Variants in MAD1L1 observed in about 807,000 individuals in gnomAD.
MAD1L1 encodes mitotic arrest deficient 1 like 1, also known as mitotic spindle assembly checkpoint protein MAD1.
A neutral mutation model predicts 96.9 loss-of-function variants in MAD1L1; 95 were observed. The ratio of observed to expected loss-of-function variants is 0.98; its 90% CI spans 0.83 to 1.16. The LOEUF is 1.16. MAD1L1 is among the 50% of genes most tolerant of loss of function. MAD1L1 has a pLI of 0.00. For synonymous variants in MAD1L1, 473 were observed against 396.6 expected (o/e 1.19, Z -2.29); for missense variants, 1,007 against 954.4 (o/e 1.06, Z -0.73).
chr7:2,185,360 T>C (rs886368423), intron 10 of MAD1L1, among the ~76,000 whole-genome samples: 1 of 152,214 alleles, frequency 6.6e-6, no homozygotes, highest in South Asian at 2.1e-4. Flanking sequence ...TAGGAATTGA[T>C]TGAAGGGACG....
chr7:2,002,829 G>A (rs971024546), intron 13 of MAD1L1, among the ~76,000 whole-genome samples: 1 of 152,224 alleles, frequency 6.6e-6, no homozygotes, highest in Non-Finnish European at 1.5e-5. Flanking sequence ...CCCATGACCT[G>A]CACGGTGCAT....
chr7:1,834,476 G>T (rs1175652494), intron 18 of MAD1L1, among the ~76,000 whole-genome samples: 1 of 152,194 alleles, frequency 6.6e-6, no homozygotes, highest in Non-Finnish European at 1.5e-5. Flanking sequence ...ATGTTAAAAG[G>T]ATAGTAAGAG....
At chr7:1,985,976 T>C (rs1360383942) in intron 14 of MAD1L1, among the ~76,000 whole-genome samples, 1 of 152,246 alleles carries the variant, frequency 6.6e-6, no homozygotes, top group African/African-American at 2.4e-5. Context: ...TCCACCGTTT[T>C]TCTGTGAAAC....
At chr7:1,988,894 GC>G (rs1469969262) in intron 14 of MAD1L1, among the ~76,000 whole-genome samples, 7 of 152,198 alleles carry the variant, frequency 4.6e-5, no homozygotes, top group Non-Finnish European at 7.4e-5. Context: ...GCCCCTCCAT[GC>G]CCCTTCCCAA....
Position 2,149,068 on chromosome 7 carries a change from G to C in MAD1L1, c.1073+84C>G. 3 of 1,228,112 alleles carry C rather than the reference G, an allele frequency of 2.4e-6. No individual in the cohort carries two copies. In the East Asian group the frequency reaches 7.1e-5, roughly 29 times the overall value. The allele number at this position is 1,228,112 out of a possible 1,614,324, so 76.1% of individuals were successfully genotyped here. A position where few individuals can be genotyped will look rare whatever the true frequency, so the allele number is the denominator to read the frequency against. On this transcript the variant is annotated intron_variant, in intron 11 of 18. Transcript: ENST00000265854. ...ATGATGAAGGACAGCCATCCCCCAA[G>C]AGCCAGGGGGCACACACTCTCACTC... is the stretch of plus-strand genomic sequence containing the variant.
At chr7:2,002,614 G>A (rs1452820478) in intron 13 of MAD1L1, among the ~76,000 whole-genome samples, 3 of 152,146 alleles carry the variant, frequency 2.0e-5, no homozygotes, top group Non-Finnish European at 2.9e-5. Flanking sequence ...CCCCAAGCAG[G>A]ACCCCGACCC....
intron 14 of MAD1L1, among the ~76,000 whole-genome samples, chr7:1,987,424 G>A (rs943784634): frequency 3.3e-5 from 5 of 152,344 alleles, no homozygotes; most frequent in African/African-American, 1.2e-4. Flanking sequence ...GGAACGGGGA[G>A]GTACTGGGGC....
At chr7:2,147,002 C>T (rs1343276248) in intron 11 of MAD1L1, among the ~76,000 whole-genome samples, 1 of 152,170 alleles carries the variant, frequency 6.6e-6, no homozygotes, top group African/African-American at 2.4e-5. Context: ...CTTCCTGGGC[C>T]TTGGAAGTGC....
chr7:2,141,144 T>A (rs996437772), intron 11 of MAD1L1, among the ~76,000 whole-genome samples: 109 of 152,332 alleles, frequency 7.2e-4, no homozygotes, highest in African/African-American at 2.5e-3. Context: ...GTGCTCGCCT[T>A]GCGGGCTCTG....
chr7:2,034,758 A>G (rs933791456), intron 12 of MAD1L1, among the ~76,000 whole-genome samples: 1 of 152,188 alleles, frequency 6.6e-6, no homozygotes, highest in Non-Finnish European at 1.5e-5. Context: ...ATGAATGAAC[A>G]GGGGAGGAAA....
Position 1,840,391 on chromosome 7 carries a change from G to A in MAD1L1, c.1999-24163C>T, listed in dbSNP as rs377057002. Among the ~76,000 whole-genome samples the A allele has an allele frequency of 1.2e-4, 19 of 152,250 alleles. No individual in the cohort carries two copies. The South Asian group carries it at 1.7e-3, about 13-fold the overall frequency. On this transcript the variant is annotated intron_variant, in intron 18 of 18. Transcript: ENST00000265854. ...GACGCCTCTGCACAGTCTTTGAATC[G>A]GGCTGTACAAGTATCTGTCCTAGCA...
chr7:1,886,990 G>T (rs550041328), intron 18 of MAD1L1, among the ~76,000 whole-genome samples: 1 of 152,276 alleles, frequency 6.6e-6, no homozygotes, highest in African/African-American at 2.4e-5. Flanking sequence ...GTCAGTGACC[G>T]CATGGCAGCG....
At chr7:2,106,322 T>A (rs1181703881) in intron 11 of MAD1L1, among the ~76,000 whole-genome samples, 1 of 150,780 alleles carries the variant, frequency 6.6e-6, no homozygotes, top group East Asian at 2.0e-4. Flanking sequence ...TCACTCACAC[T>A]CCCCACTTCC....
At chr7:2,227,948 T>C (rs1793989635) in intron 3 of MAD1L1, among the ~76,000 whole-genome samples, 1 of 152,018 alleles carries the variant, frequency 6.6e-6, no homozygotes, top group South Asian at 2.1e-4. Flanking sequence ...ACACGATGTG[T>C]GAGAAACCAG....
intron 14 of MAD1L1, among the ~76,000 whole-genome samples, chr7:1,981,124 G>A (rs57371854): frequency 0.015 from 2,232 of 152,242 alleles, 43 homozygotes; most frequent in African/African-American, 0.051. Context: ...GTGCTGCCAC[G>A]CCTGGTTAAT....
At chr7:1,847,554 C>G in intron 18 of MAD1L1, 3 of 471,128 alleles carry the variant, frequency 6.4e-6, no homozygotes, top group South Asian at 4.6e-5. Context: ...CTGGCACTGT[C>G]CAGCAGCTGC....
chr7:2,179,515 C>T (rs1791094160), intron 10 of MAD1L1, among the ~76,000 whole-genome samples: 1 of 146,584 alleles, frequency 6.8e-6, no homozygotes, highest in African/African-American at 2.5e-5. Context: ...GCGACAACAG[C>T]GAGACTCTGT....
chr7:1,820,216 TAAAAAA>T (rs1782052155), intron 18 of MAD1L1, among the ~76,000 whole-genome samples: 1 of 151,622 alleles, frequency 6.6e-6, no homozygotes. Context: ...TCGAAGGAAA[TAAAAAA>T]GAGAACAGAA....
chr7:1,959,111 G>A (rs1779848202), intron 15 of MAD1L1, among the ~76,000 whole-genome samples: 4 of 152,096 alleles, frequency 2.6e-5, no homozygotes, highest in Admixed American at 2.6e-4. Flanking sequence ...AATTAGCCGG[G>A]CGTCGTGGTA....
Sources: gnomAD v4.1 joint callset for allele counts (sites outside exome capture counted in the v4.1 genomes callset) on GRCh38, gnomAD v4.1.1 for gene constraint, MANE v1.5 for transcripts, NCBI Gene and HGNC (gene_info 2026-07-23, HGNC 2026-07-21) for gene names.